FUT8: variants seen among roughly 807,000 people sequenced by gnomAD.
The protein encoded by FUT8 is alpha-(1,6)-fucosyltransferase.
In FUT8, 29 loss-of-function variants were observed where a neutral mutation model predicts 71.3. The ratio of observed to expected loss-of-function variants is 0.41; its 90% CI spans 0.30 to 0.55. The LOEUF (loss-of-function observed/expected upper bound fraction) is 0.55, where lower values mean the gene tolerates loss of function less well. Among genes scored for constraint, FUT8 ranks in the 20% least tolerant of loss-of-function variants. The pLI is 0.34. For synonymous variants in FUT8, 254 were observed against 239.3 expected (o/e 1.06, Z -0.57); for missense variants, 544 against 702.1 (o/e 0.77, Z 2.55).
At chr14:65,659,519 C>T (rs1891860227) in intron 6 of FUT8, among the ~76,000 whole-genome samples, 1 of 152,150 alleles carries the variant, frequency 6.6e-6, no homozygotes, top group African/African-American at 2.4e-5. Flanking sequence ...TGCACAGGAA[C>T]AGTTTCAACC....
intron 10 of FUT8, among the ~76,000 whole-genome samples, chr14:65,741,154 T>C (rs929757927): frequency 2.6e-5 from 4 of 151,888 alleles, no homozygotes; most frequent in Non-Finnish European, 5.9e-5. Flanking sequence ...ACCTCAAGGA[T>C]TGAAGCTCAG....
At chr14:65,723,390 G>A (rs989069097) in intron 8 of FUT8, among the ~76,000 whole-genome samples, 1 of 152,102 alleles carries the variant, frequency 6.6e-6, no homozygotes, top group Non-Finnish European at 1.5e-5. Context: ...GTGGAAGTCA[G>A]TGCCTTATTC....
chr14:65,410,924 C>A (rs184596785), upstream of FUT8: 5 of 151,812 alleles, frequency 3.3e-5, no homozygotes, highest in African/African-American at 1.2e-4. Flanking sequence ...AAAAAAGTTA[C>A]GCTTGCTTGT....
chr14:65,536,864 C>T (rs1372247070), intron 2 of FUT8, among the ~76,000 whole-genome samples: 3 of 152,074 alleles, frequency 2.0e-5, no homozygotes, highest in Non-Finnish European at 2.9e-5. Flanking sequence ...TTCCAGTCTC[C>T]CCATTTCTTT....
the FUT8 span, among the ~76,000 whole-genome samples, chr14:65,382,454 A>G: frequency 1.3e-5 from 2 of 152,244 alleles, no homozygotes; most frequent in East Asian, 3.9e-4. Context: ...CTCATGCCTC[A>G]GCCTCCGAGT....
chr14:65,535,763 T>C (rs1884263337), intron 2 of FUT8, among the ~76,000 whole-genome samples: 1 of 152,204 alleles, frequency 6.6e-6, no homozygotes, highest in Non-Finnish European at 1.5e-5. Flanking sequence ...TCTTTTGTTT[T>C]GGGGTAGAGT....
chr14:65,446,016 A>G (rs1393939759), intron 1 of FUT8, among the ~76,000 whole-genome samples: 2 of 152,268 alleles, frequency 1.3e-5, no homozygotes, highest in African/African-American at 2.4e-5. Context: ...ATTTTAAAAT[A>G]GGTAACAACT....
chr14:65,515,161 A>G (rs931282836), intron 2 of FUT8, among the ~76,000 whole-genome samples: 23 of 147,852 alleles, frequency 1.6e-4, no homozygotes, highest in Admixed American at 3.4e-4. Flanking sequence ...CTGAATGTCA[A>G]ATTGCTAAAA....
At chr14:65,695,710 C>G (rs1297475106) in intron 7 of FUT8, among the ~76,000 whole-genome samples, 1 of 151,738 alleles carries the variant, frequency 6.6e-6, no homozygotes, top group African/African-American at 2.4e-5. Flanking sequence ...TGCCTCTTAA[C>G]TGGTGTATTT....
intron 2 of FUT8, among the ~76,000 whole-genome samples, chr14:65,530,843 CT>C (rs1160454048): frequency 4.0e-5 from 6 of 150,800 alleles, no homozygotes; most frequent in African/African-American, 7.3e-5. Context: ...CTCCCTCCCC[CT>C]CTCTTCCTCT....
At chr14:65,702,500 C>T (rs531743564) in intron 7 of FUT8, among the ~76,000 whole-genome samples, 73 of 152,126 alleles carry the variant, frequency 4.8e-4, no homozygotes, top group African/African-American at 1.7e-3. Context: ...AGAGCTGGGA[C>T]AAGGAGGTAT....
chr14:65,441,578 TA>T (rs1187490183), intron 1 of FUT8, among the ~76,000 whole-genome samples: 2 of 151,292 alleles, frequency 1.3e-5, no homozygotes, highest in African/African-American at 2.4e-5. Flanking sequence ...CCATCTCTAC[TA>T]AAAACACACA....
intron 2 of FUT8, among the ~76,000 whole-genome samples, chr14:65,525,006 G>T (rs1291164188): frequency 6.6e-6 from 1 of 152,092 alleles, no homozygotes; most frequent in Non-Finnish European, 1.5e-5. Context: ...TTGCATCTAT[G>T]TTCATCAGGG....
intron 5 of FUT8, among the ~76,000 whole-genome samples, chr14:65,628,984 G>A (rs552897456): frequency 2.6e-5 from 4 of 152,324 alleles, no homozygotes; most frequent in Non-Finnish European, 4.4e-5. Context: ...TGTCTGGCCC[G>A]TTAATGAAAA....
At chr14:65,720,970 C>G (rs534081760) in intron 7 of FUT8, among the ~76,000 whole-genome samples, 27 of 152,246 alleles carry the variant, frequency 1.8e-4, no homozygotes, top group Middle Eastern at 6.8e-3. Flanking sequence ...TGTGCTCCCC[C>G]TCCCCCAAGC....
chr14:65,696,120 A>G (rs999520735), intron 7 of FUT8, among the ~76,000 whole-genome samples: 2 of 152,182 alleles, frequency 1.3e-5, no homozygotes, highest in Non-Finnish European at 2.9e-5. Context: ...TGTTGCTAGT[A>G]TTATTTTGAA....
At chr14:65,468,388 G>GTTTTT in intron 2 of FUT8, 1 of 372,946 alleles carries the variant, frequency 2.7e-6, no homozygotes, top group East Asian at 7.6e-5. Flanking sequence ...CGAAAGGTTG[G>GTTTTT]ATTTTTTTTT....
rs1886654231 is a variant in FUT8 at position 65,574,526 on chromosome 14, G to A, written c.203+12760G>A. 6.6e-6 allele frequency among the ~76,000 whole-genome samples: 1 copy of A among 152,140 alleles called. No homozygotes were observed. Among genetic ancestry groups the A allele is most frequent in the African/African-American group, 2.4e-5 (1 of 41,406 alleles). On this transcript the variant is annotated intron_variant, in intron 3 of 10. Coordinates refer to ENST00000673929, the MANE Select transcript of FUT8 (RefSeq NM_001371533.1). This position sits in a 1 kb window ranked among gnomAD's most constrained non-coding sequence, Gnocchi z 5.2. ...TTTACATAAATTATCTTATTCAGAA[G>A]TTAAGTGATTTGCCTCACACCACAT... is the stretch of plus-strand genomic sequence containing the variant.
chr14:65,461,300 T>G (rs2065965407), intron 2 of FUT8, among the ~76,000 whole-genome samples: 2 of 152,186 alleles, frequency 1.3e-5, no homozygotes, highest in Admixed American at 1.3e-4. Flanking sequence ...ATGTCCTTCT[T>G]ATAAGGATTC....
Sources: gnomAD v4.1 joint callset for allele counts (sites outside exome capture counted in the v4.1 genomes callset) on GRCh38, gnomAD v4.1.1 for gene constraint, Gnocchi (gnomAD v3.1) non-coding constraint, MANE v1.5 for transcripts, NCBI Gene and HGNC (gene_info 2026-07-23, HGNC 2026-07-21) for gene names.